The following SASH1 variants were observed in gnomAD, a reference collection of about 807,000 sequenced individuals.
SASH1 encodes the protein SAM and SH3 domain containing 1, also known as SAM and SH3 domain-containing protein 1.
A neutral mutation model predicts 125.2 loss-of-function variants in SASH1; 44 were observed. The ratio of observed to expected loss-of-function variants is 0.35; its 90% CI spans 0.28 to 0.45. SASH1 has a LOEUF of 0.45. Among genes scored for constraint, SASH1 ranks in the 20% least tolerant of loss-of-function variants. The probability of loss-of-function intolerance (pLI) is 1.00; values close to 1 mark genes in which losing one functional copy is unlikely to be tolerated. For missense variants in SASH1, 1,426 were observed against 1,614.5 expected (o/e 0.88, Z 2.00); for synonymous variants, 639 against 649.1 (o/e 0.98, Z 0.24).
At chr6:148,534,668 G>A (rs1182849495) in intron 15 of SASH1, 83 bp from the exon 16 acceptor site, 19 of 1,319,334 alleles carry the variant, frequency 1.4e-5, no homozygotes, top group Non-Finnish European at 2.0e-5. Context: ...GGAACAGTGT[G>A]TGGGTTGCAG....
At chr6:148,303,040 G>A (rs1286642423) in intron 1 of SASH1, among the ~76,000 whole-genome samples, 1 of 151,962 alleles carries the variant, frequency 6.6e-6, no homozygotes, top group Non-Finnish European at 1.5e-5. Flanking sequence ...GAGTGCAATG[G>A]CGCGATCTCA....
At chr6:148,254,981 A>C in the SASH1 span, among the ~76,000 whole-genome samples, 2 of 152,246 alleles carry the variant, frequency 1.3e-5, no homozygotes, top group Non-Finnish European at 2.9e-5. Context: ...ATGAATGGAT[A>C]AACCAAATGA....
At chr6:148,480,035 C>T (rs1778545215) in intron 7 of SASH1, 1 of 152,374 alleles carries the variant, frequency 6.6e-6, no homozygotes, top group African/African-American at 2.4e-5. Flanking sequence ...TGGAGAGGAT[C>T]TACCTTCTTT....
intron 4 of SASH1, among the ~76,000 whole-genome samples, chr6:148,452,354 C>T (rs765364855): frequency 3.3e-5 from 5 of 152,154 alleles, no homozygotes; most frequent in South Asian, 2.1e-4. Flanking sequence ...TCAGCTCCCT[C>T]GTGGGCATGG....
At chr6:148,399,449 T>C (rs7738126) in intron 2 of SASH1, among the ~76,000 whole-genome samples, 6,724 of 151,988 alleles carry the variant, frequency 0.044, 399 homozygotes, top group African/African-American at 0.13. Flanking sequence ...TGGTCTTGAA[T>C]TCCTGACCTC....
At chr6:148,254,064 G>C in the SASH1 span, among the ~76,000 whole-genome samples, 1 of 151,750 alleles carries the variant, frequency 6.6e-6, no homozygotes, top group African/African-American at 2.4e-5. Flanking sequence ...AAATTAACTG[G>C]GCATTGGTGG....
At chr6:148,522,539 G>C (rs1048975260) in intron 10 of SASH1, among the ~76,000 whole-genome samples, 1 of 152,120 alleles carries the variant, frequency 6.6e-6, no homozygotes, top group South Asian at 2.1e-4. Flanking sequence ...GTATCCACTG[G>C]AAGTGGTCAC....
At chr6:148,244,651 A>G in the SASH1 span, among the ~76,000 whole-genome samples, 1 of 152,092 alleles carries the variant, frequency 6.6e-6, no homozygotes, top group Non-Finnish European at 1.5e-5. Flanking sequence ...AGTTTGGAGA[A>G]GAAGCTCCTG....
At position 148,544,162 on chromosome 6, in the gene SASH1, A is replaced by C. The variant is rs750815166; in HGVS notation, c.2692A>C (p.Lys898Gln). ...CAATGCATTGCTACTGACCCAAAGC[A>C]AGAGATTTTCTGAACCTCAGAAATT... ...VDNALLLTQSKRFSEPQKLTT... is the reference protein window; with the variant it reads ...VDNALLLTQSQRFSEPQKLTT... Residue 898 changes from lysine to glutamine, a missense_variant, in exon 18 of 20, where the codon AAG becomes CAG. Lys to Gln is a moderately conservative substitution (Grantham distance 53). Transcript: ENST00000367467. This position sits in a 1 kb window ranked among gnomAD's most constrained non-coding sequence, Gnocchi z 6.4. 10 of 1,614,034 alleles carry C rather than the reference A, an allele frequency of 6.2e-6. No individual in the cohort carries two copies. Among genetic ancestry groups the C allele is most frequent in the Admixed American group, 1.7e-5 (1 of 59,996 alleles).
intron 1 of SASH1, among the ~76,000 whole-genome samples, chr6:148,315,639 C>T (rs1582954804): frequency 6.6e-6 from 1 of 152,204 alleles, no homozygotes; most frequent in African/African-American, 2.4e-5. Context: ...CACAGTGGCT[C>T]CTGCCTGTAA....
chr6:148,359,053 A>T (rs1436323125), intron 1 of SASH1, among the ~76,000 whole-genome samples: 2 of 151,654 alleles, frequency 1.3e-5, no homozygotes, highest in East Asian at 3.9e-4. Flanking sequence ...ATGTTTAAAC[A>T]TCTGTGGTCC....
At chr6:148,356,523 G>GTTTTT (rs1562346767) in intron 1 of SASH1, among the ~76,000 whole-genome samples, 11 of 134,954 alleles carry the variant, frequency 8.2e-5, no homozygotes, top group East Asian at 2.3e-4. Flanking sequence ...TTGAGACTGG[G>GTTTTT]TTTTGCTCTT....
intron 4 of SASH1, among the ~76,000 whole-genome samples, chr6:148,450,286 T>C (rs1430839874): frequency 6.6e-6 from 1 of 152,092 alleles, no homozygotes; most frequent in African/African-American, 2.4e-5. Flanking sequence ...CCTGTCTAGG[T>C]TTTCACCTTG....
rs527478080 is a variant in SASH1, at chr6:148,352,120, A to G, written c.156+8897A>G. 1.4e-3 allele frequency among the ~76,000 whole-genome samples: 217 copies of G among 152,350 alleles called. 1 individual carries two copies. The highest frequency in any genetic ancestry group is 4.9e-3 in the African/African-American group (204 of 41,594). On this transcript the variant is annotated intron_variant, in intron 1 of 19. Coordinates refer to ENST00000367467, the MANE Select transcript of SASH1 (RefSeq NM_015278.5). ...ATCTCTTAGAAAACTGATAGGTAGAATAGTAAAGTAGTTAAGAGCAAAGGA... is the reference window on the plus strand; with the variant it reads ...ATCTCTTAGAAAACTGATAGGTAGAGTAGTAAAGTAGTTAAGAGCAAAGGA...
chr6:148,204,068 C>T, the SASH1 span, among the ~76,000 whole-genome samples: 1 of 152,200 alleles, frequency 6.6e-6, no homozygotes, highest in Non-Finnish European at 1.5e-5. Context: ...TCCTACACTG[C>T]TGAACCACAT....
At position 148,343,144 on chromosome 6, in the gene SASH1, A is replaced by T. The variant is rs769565888; in HGVS notation, c.77A>T (p.Glu26Val). 6.3e-7 allele frequency: 1 copy of T among 1,598,564 alleles called. No individual in the cohort carries two copies. Among genetic ancestry groups the T allele is most frequent in the South Asian group, 1.1e-5 (1 of 90,756 alleles). Residue 26 changes from glutamate (E) to valine (V), a missense_variant, in exon 1 of 20, where the codon GAG becomes GTG. Around this residue, in one of 3 missense-constraint regions of SASH1, gnomAD observed 567 missense variants for 575.6 expected, o/e 0.99. Transcript: ENST00000367467. ...EPEPEPEPAPEPEPEPKPGAG... is the reference protein window; with the variant it reads ...EPEPEPEPAPVPEPEPKPGAG... Reference sequence around the variant, plus strand: ...GAGCCGGAGCCCGAGCCCGCGCCGGAGCCGGAACCGGAGCCCAAGCCGGGT... The same window carrying T: ...GAGCCGGAGCCCGAGCCCGCGCCGGTGCCGGAACCGGAGCCCAAGCCGGGT...
the SASH1 span, among the ~76,000 whole-genome samples, chr6:148,241,232 G>C: frequency 2.6e-5 from 4 of 152,194 alleles, no homozygotes; most frequent in Non-Finnish European, 5.9e-5. Flanking sequence ...GTTGGAAGAG[G>C]CTGGAAATAG....
At chr6:148,424,663 G>T (rs142818411) in intron 2 of SASH1, among the ~76,000 whole-genome samples, 45 of 152,250 alleles carry the variant, frequency 3.0e-4, no homozygotes, top group Non-Finnish European at 5.1e-4. Flanking sequence ...GAGCCACTGA[G>T]TCCAGCCTCC....
chr6:148,476,870 T>G (rs999350569), intron 7 of SASH1, among the ~76,000 whole-genome samples: 2 of 152,148 alleles, frequency 1.3e-5, no homozygotes, highest in Admixed American at 6.5e-5. Context: ...AACAGACATA[T>G]AGACCAATGG....
Sources: allele counts gnomAD v4.1 joint callset (sites outside exome capture counted in the v4.1 genomes callset), GRCh38; gene constraint gnomAD v4.1.1; regional missense constraint gnomAD v4.1.1; non-coding constraint Gnocchi (gnomAD v3.1); transcripts MANE v1.5; gene names NCBI Gene and HGNC (gene_info 2026-07-23, HGNC 2026-07-21).